Variants in GRID2 observed in about 807,000 individuals in gnomAD.
GRID2 encodes glutamate receptor ionotropic, delta-2.
A neutral mutation model predicts 114.8 loss-of-function variants in GRID2; 33 were observed. The observed-to-expected ratio is 0.29, with a 90% CI of 0.22 to 0.38. The LOEUF is 0.38. Ranked by LOEUF, GRID2 falls within the 10% of genes least tolerant of loss-of-function variation. The pLI is 1.00. For synonymous variants in GRID2, 505 were observed against 449.9 expected (o/e 1.12, Z -1.55); for missense variants, 1,184 against 1,257.7 (o/e 0.94, Z 0.89).
intron 6 of GRID2, among the ~76,000 whole-genome samples, chr4:93,220,653 G>A (rs1024447205): frequency 6.6e-6 from 1 of 151,966 alleles, no homozygotes; most frequent in Non-Finnish European, 1.5e-5. Flanking sequence ...AGATGTATTC[G>A]GTGGCTTTGA....
chr4:92,843,690 A>G (rs1743081392), intron 2 of GRID2, among the ~76,000 whole-genome samples: 1 of 152,132 alleles, frequency 6.6e-6, no homozygotes, highest in Non-Finnish European at 1.5e-5. Flanking sequence ...GAACGACTTG[A>G]GGAAAATTTA....
chr4:93,487,399 G>T, intron 11 of GRID2, among the ~76,000 whole-genome samples: 1 of 151,376 alleles, frequency 6.6e-6, no homozygotes, highest in African/African-American at 2.4e-5. Flanking sequence ...ATACATTGCA[G>T]GCTATCAGTT....
chr4:92,475,689 A>AT (rs1447492610), intron 1 of GRID2, among the ~76,000 whole-genome samples: 1 of 151,760 alleles, frequency 6.6e-6, no homozygotes. Context: ...TTTTAGGATT[A>AT]TTTTTTAATT....
intron 5 of GRID2, among the ~76,000 whole-genome samples, chr4:93,211,532 A>C (rs1248544585): frequency 6.6e-6 from 1 of 152,124 alleles, no homozygotes; most frequent in Non-Finnish European, 1.5e-5. Context: ...ACATGTTAGA[A>C]GTCTAGGAGA....
At chr4:92,902,191 A>C (rs1186373258) in intron 2 of GRID2, among the ~76,000 whole-genome samples, 2 of 152,078 alleles carry the variant, frequency 1.3e-5, no homozygotes, top group Non-Finnish European at 2.9e-5. Flanking sequence ...TATTTCTGGA[A>C]ATTCATTAAT....
At chr4:92,338,358 A>T (rs1401617959) in intron 1 of GRID2, among the ~76,000 whole-genome samples, 1 of 152,222 alleles carries the variant, frequency 6.6e-6, no homozygotes, top group African/African-American at 2.4e-5. Context: ...TTTTCAATGA[A>T]GAGTATTCAC....
intron 4 of GRID2, among the ~76,000 whole-genome samples, chr4:93,160,238 T>C (rs1282467595): frequency 6.6e-6 from 1 of 151,814 alleles, no homozygotes; most frequent in Non-Finnish European, 1.5e-5. Context: ...CAGGTCATGA[T>C]TATTAATTCC....
chr4:92,920,137 A>C (rs1175191580), intron 2 of GRID2, among the ~76,000 whole-genome samples: 5 of 152,100 alleles, frequency 3.3e-5, no homozygotes, highest in Non-Finnish European at 7.4e-5. Context: ...TTGTTGGTTT[A>C]AAGTCTGTTT....
chr4:92,989,375 C>T (rs1455205534), intron 2 of GRID2, among the ~76,000 whole-genome samples: 1 of 147,896 alleles, frequency 6.8e-6, no homozygotes, highest in Non-Finnish European at 1.5e-5. Flanking sequence ...TATATGTACA[C>T]ATATGTATGT....
intron 1 of GRID2, among the ~76,000 whole-genome samples, chr4:92,350,655 ATTTTC>A (rs1728019990): frequency 1.3e-5 from 2 of 151,688 alleles, no homozygotes; most frequent in Non-Finnish European, 3.0e-5. Flanking sequence ...TAAAAATTAC[ATTTTC>A]TTAACAGCTT....
Position 92,917,304 on chromosome 4 carries a change from G to C in GRID2, c.245-167691G>C, listed in dbSNP as rs561268467. Among the ~76,000 whole-genome samples the C allele has an allele frequency of 8.1e-4, 123 of 152,152 alleles. No homozygotes were observed. In the East Asian group the frequency reaches 9.7e-3, roughly 12 times the overall value. On this transcript the variant is annotated intron_variant, in intron 2 of 15. Coordinates refer to ENST00000282020, the MANE Select transcript of GRID2 (RefSeq NM_001510.4). The stretch of plus-strand genomic sequence containing the variant: ...GATTGCAAAAATTTTCTCCCATTCT[G>C]TAGGTTGCCTGTTCACTCTGATGGT...
intron 14 of GRID2, among the ~76,000 whole-genome samples, chr4:93,687,572 C>T (rs1418053616): frequency 6.6e-6 from 1 of 151,870 alleles, no homozygotes; most frequent in African/African-American, 2.4e-5. Context: ...ACCCAGAGGG[C>T]ACTTGAAGAA....
At chr4:93,084,042 A>G (rs1198044206) in intron 2 of GRID2, among the ~76,000 whole-genome samples, 1 of 152,148 alleles carries the variant, frequency 6.6e-6, no homozygotes, top group Non-Finnish European at 1.5e-5. Flanking sequence ...TGTTATACCT[A>G]GAATGCCTAA....
intron 6 of GRID2, among the ~76,000 whole-genome samples, chr4:93,219,473 A>C (rs1744626275): frequency 6.6e-6 from 1 of 152,134 alleles, no homozygotes; most frequent in African/African-American, 2.4e-5. Context: ...AGATGGAAGA[A>C]AACAAGAAAA....
chr4:93,021,805 A>G (rs1296940512), intron 2 of GRID2, among the ~76,000 whole-genome samples: 3 of 146,298 alleles, frequency 2.1e-5, no homozygotes, highest in African/African-American at 2.5e-5. Flanking sequence ...TATTTTTATA[A>G]TAAATTTTAA....
At chr4:92,763,256 G>T (rs181311069) in intron 2 of GRID2, among the ~76,000 whole-genome samples, 1 of 152,068 alleles carries the variant, frequency 6.6e-6, no homozygotes, top group South Asian at 2.1e-4. Context: ...TAAGTGCTGG[G>T]TATACATTGA....
At chr4:93,802,412 G>C (rs1734950847) in intron 1 of GRID2, among the ~76,000 whole-genome samples, 1 of 145,116 alleles carries the variant, frequency 6.9e-6, no homozygotes, top group Admixed American at 6.7e-5. Context: ...GTGTGTGACA[G>C]AGAGAGAGAA....
intron 1 of GRID2, among the ~76,000 whole-genome samples, chr4:92,354,172 G>A (rs898852152): frequency 7.9e-5 from 12 of 151,958 alleles, no homozygotes; most frequent in Admixed American, 6.6e-5. Flanking sequence ...TGGGAACATG[G>A]GCTAATATCT....
intron 9 of GRID2, among the ~76,000 whole-genome samples, chr4:93,398,147 A>ATATATATATATATATATATATATATG (rs1765534339): frequency 7.6e-6 from 1 of 131,386 alleles, no homozygotes; most frequent in African/African-American, 3.1e-5. Context: ...ATATATATAT[A>ATATATATATATATATATATATATATG]TATATCTTAT....
Sources: allele counts gnomAD v4.1 joint callset (sites outside exome capture counted in the v4.1 genomes callset), GRCh38; gene constraint gnomAD v4.1.1; transcripts MANE v1.5; gene names NCBI Gene and HGNC (gene_info 2026-07-23, HGNC 2026-07-21).